The following LRP1B variants were observed in gnomAD, a reference collection of about 807,000 sequenced individuals.
LRP1B encodes the protein low-density lipoprotein receptor-related protein 1B.
A neutral mutation model predicts 556.6 loss-of-function variants in LRP1B; 217 were observed. The ratio of observed to expected loss-of-function variants is 0.39; its 90% CI spans 0.35 to 0.44. The LOEUF (loss-of-function observed/expected upper bound fraction) is 0.44, where lower values mean the gene tolerates loss of function less well. Among genes scored for constraint, LRP1B ranks in the 20% least tolerant of loss-of-function variants. The probability of loss-of-function intolerance (pLI) is 1.00; values close to 1 mark genes in which losing one functional copy is unlikely to be tolerated. For missense variants in LRP1B, 5,053 were observed against 5,620.8 expected (o/e 0.90, Z 3.23); for synonymous variants, 2,047 against 1,865.8 (o/e 1.10, Z -2.50).
At chr2:141,734,468 G>C (rs1268823631) in intron 2 of LRP1B, among the ~76,000 whole-genome samples, 1 of 151,952 alleles carries the variant, frequency 6.6e-6, no homozygotes, top group Admixed American at 6.6e-5. Context: ...GAGAGAGAGA[G>C]TGAGAGAGAG....
At chr2:141,455,762 A>G (rs1681607059) in intron 3 of LRP1B, among the ~76,000 whole-genome samples, 2 of 152,196 alleles carry the variant, frequency 1.3e-5, no homozygotes, top group Non-Finnish European at 2.9e-5. Context: ...CAGAAGCACA[A>G]AGGAAGAGAC....
At chr2:140,979,583 C>T (rs560338976) in intron 18 of LRP1B, among the ~76,000 whole-genome samples, 50 of 152,160 alleles carry the variant, frequency 3.3e-4, no homozygotes, top group African/African-American at 1.2e-3. Flanking sequence ...GGAGTATTTA[C>T]AGCACACAAA....
intron 84 of LRP1B, among the ~76,000 whole-genome samples, chr2:140,274,826 T>G (rs1181732722): frequency 1.3e-5 from 2 of 152,008 alleles, no homozygotes; most frequent in Non-Finnish European, 2.9e-5. Flanking sequence ...ATTGCTATAA[T>G]GCTAGGTGAC....
At chr2:141,699,393 G>A (rs993200660) in intron 2 of LRP1B, among the ~76,000 whole-genome samples, 4 of 151,720 alleles carry the variant, frequency 2.6e-5, no homozygotes, top group Admixed American at 6.6e-5. Flanking sequence ...ACACAGATAC[G>A]TTTTCTTTAA....
chr2:140,892,327 G>A (rs1462147102), intron 23 of LRP1B, among the ~76,000 whole-genome samples: 3 of 151,978 alleles, frequency 2.0e-5, no homozygotes, highest in South Asian at 2.1e-4. Context: ...AGGCAGTATC[G>A]GAAATGTCTA....
intron 31 of LRP1B, among the ~76,000 whole-genome samples, chr2:140,821,561 T>C (rs1377469465): frequency 6.6e-6 from 1 of 152,144 alleles, no homozygotes; most frequent in Admixed American, 6.5e-5. Flanking sequence ...AAAACTGAGG[T>C]TCCTTATTTT....
At chr2:140,991,236 A>T (rs1338984759) in intron 16 of LRP1B, among the ~76,000 whole-genome samples, 1 of 152,168 alleles carries the variant, frequency 6.6e-6, no homozygotes, top group Non-Finnish European at 1.5e-5. Context: ...GGCTTAATCA[A>T]GGACTTTTGC....
At chr2:140,598,573 C>G (rs1574125606) in intron 43 of LRP1B, 58 bp downstream of exon 43, 1 of 1,310,010 alleles carries the variant, frequency 7.6e-7, no homozygotes. Flanking sequence ...GTATAAATCA[C>G]ATGTTTTAAA....
At chr2:141,899,756 A>G (rs1699560900) in intron 1 of LRP1B, among the ~76,000 whole-genome samples, 1 of 152,108 alleles carries the variant, frequency 6.6e-6, no homozygotes, top group African/African-American at 2.4e-5. Context: ...TTGATAATAA[A>G]TGAAAAATAA....
intron 15 of LRP1B, among the ~76,000 whole-genome samples, chr2:141,004,038 A>C (rs1022981826): frequency 9.9e-5 from 15 of 152,116 alleles, no homozygotes; most frequent in Non-Finnish European, 5.9e-5. Flanking sequence ...TGAAAAATGC[A>C]TCTTTTCTTC....
intron 35 of LRP1B, among the ~76,000 whole-genome samples, chr2:140,763,873 A>C (rs1689012718): frequency 6.6e-6 from 1 of 152,140 alleles, no homozygotes; most frequent in South Asian, 2.1e-4. Flanking sequence ...CACATGATTA[A>C]AAAATATATT....
intron 6 of LRP1B, among the ~76,000 whole-genome samples, chr2:141,208,709 A>G (rs1032084818): frequency 2.0e-5 from 3 of 151,874 alleles, no homozygotes; most frequent in African/African-American, 7.3e-5. Context: ...CTATTAAAAA[A>G]ATACAAAAAA....
intron 35 of LRP1B, among the ~76,000 whole-genome samples, chr2:140,752,943 T>C (rs1474628794): frequency 1.3e-5 from 2 of 152,158 alleles, no homozygotes; most frequent in Non-Finnish European, 2.9e-5. Context: ...TTCTTTGTGT[T>C]TTGACAAATG....
chr2:141,452,505 T>C (rs1444839282), intron 3 of LRP1B, among the ~76,000 whole-genome samples: 1 of 152,224 alleles, frequency 6.6e-6, no homozygotes, highest in African/African-American at 2.4e-5. Flanking sequence ...TTCTATACTG[T>C]TTTCTGTAAA....
At chr2:141,169,981 T>A (rs1276084581) in intron 7 of LRP1B, among the ~76,000 whole-genome samples, 1 of 152,030 alleles carries the variant, frequency 6.6e-6, no homozygotes, top group Admixed American at 6.6e-5. Flanking sequence ...TATACAGCAA[T>A]GTAATCTCAT....
chr2:141,801,796 A>G (rs969775318), intron 2 of LRP1B, among the ~76,000 whole-genome samples: 1 of 152,106 alleles, frequency 6.6e-6, no homozygotes, highest in Non-Finnish European at 1.5e-5. Context: ...AGTACTCTAG[A>G]ATTTAGTAAT....
At chr2:141,608,276 C>T (rs562950457) in intron 2 of LRP1B, among the ~76,000 whole-genome samples, 1 of 152,240 alleles carries the variant, frequency 6.6e-6, no homozygotes, top group East Asian at 1.9e-4. Context: ...ATGCCATATA[C>T]TGCATGGTTT....
chr2:140,807,996 G>A lies in LRP1B; in HGVS notation c.5359+5661C>T, dbSNP rs184023203. ...AATCCCAGCTACTGGGGAGGCTGAG[G>A]CACAAGAATCATTTGAACCTGGGAG... On this transcript the variant is annotated intron_variant, in intron 32 of 90. Coordinates refer to ENST00000389484, the MANE Select transcript of LRP1B (RefSeq NM_018557.3). 4.1e-3 allele frequency among the ~76,000 whole-genome samples: 620 copies of A among 152,302 alleles called. 2 individuals carry two copies. Among genetic ancestry groups the A allele is most frequent in the Non-Finnish European group, 5.9e-3 (404 of 68,018 alleles).
chr2:141,489,305 C>T lies in LRP1B; in HGVS notation c.206-8772G>A, dbSNP rs529570862. 3.3e-3 allele frequency among the ~76,000 whole-genome samples: 502 copies of T among 151,872 alleles called. 4 individuals are homozygous for T. The highest frequency in any genetic ancestry group is 0.012 in the African/African-American group (479 of 41,396). On this transcript the variant is annotated intron_variant, in intron 2 of 90. Transcript: ENST00000389484. ...ACCTTGGCCTCTTTTATTAAGAATG[C>T]TTTTCACACACAGTTAGATCCATTT...
Sources: allele counts gnomAD v4.1 joint callset (sites outside exome capture counted in the v4.1 genomes callset), GRCh38; gene constraint gnomAD v4.1.1; transcripts MANE v1.5; gene names NCBI Gene and HGNC (gene_info 2026-07-23, HGNC 2026-07-21).